DAB1: variants seen among roughly 807,000 people sequenced by gnomAD.
DAB1 encodes the protein DAB adaptor protein 1.
In DAB1, 15 loss-of-function variants were observed where a neutral mutation model predicts 64.6. The ratio of observed to expected loss-of-function variants is 0.23; its 90% CI spans 0.16 to 0.36. DAB1 has a LOEUF of 0.36. Among genes scored for constraint, DAB1 ranks in the 10% least tolerant of loss-of-function variants. The probability of loss-of-function intolerance (pLI) is 1.00; values close to 1 mark genes in which losing one functional copy is unlikely to be tolerated. For missense variants in DAB1, 596 were observed against 706.7 expected, an observed-to-expected ratio of 0.84 and a Z score of 1.78; for synonymous variants, 235 against 251.9, an observed-to-expected ratio of 0.93 and a Z score of 0.64.
chr1:58,107,887 G>A (rs572794864), intron 5 of DAB1, among the ~76,000 whole-genome samples: 16 of 152,190 alleles, frequency 1.1e-4, no homozygotes, highest in African/African-American at 3.6e-4. Context: ...AAAGTGCTGG[G>A]ATTACAGGTG....
intron 9 of DAB1, among the ~76,000 whole-genome samples, chr1:57,043,617 C>T (rs187184304): frequency 3.8e-4 from 58 of 152,262 alleles, no homozygotes; most frequent in African/African-American, 1.2e-3. Flanking sequence ...GAGGCTGAGG[C>T]GGGCGGATCA....
chr1:57,067,794 T>C (rs1434230111), intron 8 of DAB1, among the ~76,000 whole-genome samples: 3 of 152,240 alleles, frequency 2.0e-5, no homozygotes, highest in African/African-American at 7.2e-5. Flanking sequence ...ATACTTGTAC[T>C]AAAATACTGA....
chr1:57,838,671 C>T (rs1265430922), intron 1 of DAB1, among the ~76,000 whole-genome samples: 1 of 152,142 alleles, frequency 6.6e-6, no homozygotes, highest in East Asian at 1.9e-4. Context: ...CCAAACACTT[C>T]ATCTCTCTGT....
At chr1:57,918,690 G>A (rs1644767385) in intron 5 of DAB1, among the ~76,000 whole-genome samples, 1 of 152,184 alleles carries the variant, frequency 6.6e-6, no homozygotes, top group African/African-American at 2.4e-5. Context: ...CGGGCATGGT[G>A]GCGGGCACCT....
At chr1:57,402,188 A>C (rs1406711737) in intron 1 of DAB1, among the ~76,000 whole-genome samples, 1 of 152,092 alleles carries the variant, frequency 6.6e-6, no homozygotes, top group East Asian at 2.0e-4. Flanking sequence ...GGAAATATTA[A>C]TTTGCTGATA....
chr1:57,683,148 G>A (rs1435429226), intron 6 of DAB1, among the ~76,000 whole-genome samples: 2 of 152,196 alleles, frequency 1.3e-5, no homozygotes, highest in Non-Finnish European at 2.9e-5. Flanking sequence ...CAGAGGAGGA[G>A]CCCCTACTCT....
chr1:57,535,530 C>T (rs987330094), intron 7 of DAB1, among the ~76,000 whole-genome samples: 1 of 142,706 alleles, frequency 7.0e-6, no homozygotes. Flanking sequence ...ACTGCTGTGG[C>T]GTGATCTTAG....
intron 4 of DAB1, among the ~76,000 whole-genome samples, chr1:58,279,362 C>T (rs915791435): frequency 6.6e-6 from 1 of 152,180 alleles, no homozygotes; most frequent in Non-Finnish European, 1.5e-5. Flanking sequence ...CTGCAGAACA[C>T]ATAGCTTATA....
chr1:57,677,897 G>T (rs972924923), intron 6 of DAB1, among the ~76,000 whole-genome samples: 12 of 152,124 alleles, frequency 7.9e-5, no homozygotes, highest in Non-Finnish European at 1.6e-4. Flanking sequence ...TTGTCCACGG[G>T]TATCATTTGT....
chr1:57,302,892 C>T (rs115312254), intron 1 of DAB1, among the ~76,000 whole-genome samples: 1,582 of 152,234 alleles, frequency 0.01, 27 homozygotes, highest in African/African-American at 0.036. Flanking sequence ...GGGTTGGGCA[C>T]GCTATTTAAC....
At chr1:57,889,582 C>T (rs1557539006) in intron 5 of DAB1, among the ~76,000 whole-genome samples, 1 of 152,200 alleles carries the variant, frequency 6.6e-6, no homozygotes, top group Non-Finnish European at 1.5e-5. Flanking sequence ...CTGACTACAG[C>T]AAAGTCTTGG....
intron 5 of DAB1, among the ~76,000 whole-genome samples, chr1:57,941,915 T>G (rs1645111888): frequency 6.6e-6 from 1 of 152,222 alleles, no homozygotes; most frequent in Non-Finnish European, 1.5e-5. Context: ...GTGATCTCAG[T>G]GATGCAATAA....
intron 5 of DAB1, among the ~76,000 whole-genome samples, chr1:57,897,968 A>G (rs781650482): frequency 3.9e-5 from 6 of 152,158 alleles, no homozygotes; most frequent in Non-Finnish European, 8.8e-5. Context: ...TGAAGTTGAC[A>G]TGACAATCTG....
intron 4 of DAB1, among the ~76,000 whole-genome samples, chr1:57,136,318 G>C (rs1658082968): frequency 6.6e-6 from 1 of 152,284 alleles, no homozygotes; most frequent in Non-Finnish European, 1.5e-5. Context: ...CCAGGATAGT[G>C]TGACACTTTT....
chr1:57,737,079 G>A (rs904255477), intron 6 of DAB1, among the ~76,000 whole-genome samples: 1 of 152,162 alleles, frequency 6.6e-6, no homozygotes, highest in Non-Finnish European at 1.5e-5. Flanking sequence ...TGTAGCTACC[G>A]GAGAGGGCTT....
At chr1:57,519,436 C>T (rs1325216901) in intron 7 of DAB1, among the ~76,000 whole-genome samples, 5 of 152,174 alleles carry the variant, frequency 3.3e-5, no homozygotes, top group Non-Finnish European at 7.3e-5. Flanking sequence ...GCCTATAATT[C>T]CCTCATCCGA....
At chr1:57,703,898 G>A (rs777386917) in intron 6 of DAB1, among the ~76,000 whole-genome samples, 7 of 152,114 alleles carry the variant, frequency 4.6e-5, no homozygotes, top group Non-Finnish European at 8.8e-5. Flanking sequence ...GAGACGGATG[G>A]AACTGGAGGC....
At chr1:58,328,994 T>C (rs2100492853) in intron 4 of DAB1, among the ~76,000 whole-genome samples, 1 of 152,368 alleles carries the variant, frequency 6.6e-6, no homozygotes, top group East Asian at 1.9e-4. Flanking sequence ...GCTCTTGTCA[T>C]TGAATTTAAT....
intron 4 of DAB1, among the ~76,000 whole-genome samples, chr1:58,156,042 T>C (rs951006965): frequency 1.3e-5 from 2 of 152,228 alleles, no homozygotes; most frequent in Non-Finnish European, 2.9e-5. Flanking sequence ...AGTGCAAGTC[T>C]TTTTGTTTCA....
Sources: allele counts gnomAD v4.1 joint callset (sites outside exome capture counted in the v4.1 genomes callset), GRCh38; gene constraint gnomAD v4.1.1; transcripts MANE v1.5; gene names NCBI Gene and HGNC (gene_info 2026-07-23, HGNC 2026-07-21).